The following ZNF385D variants were observed in gnomAD, a reference collection of about 807,000 sequenced individuals.
ZNF385D encodes zinc finger protein 385D.
In ZNF385D, 15 loss-of-function variants were observed where a neutral mutation model predicts 35.8. The ratio of observed to expected loss-of-function variants is 0.42; its 90% CI spans 0.28 to 0.64. The LOEUF (loss-of-function observed/expected upper bound fraction) is 0.64, where lower values mean the gene tolerates loss of function less well. ZNF385D is among the 30% of genes least tolerant of loss of function. ZNF385D has a pLI of 0.23. For synonymous variants in ZNF385D, 212 were observed against 186.8 expected, an observed-to-expected ratio of 1.13 and a Z score of -1.10; for missense variants, 474 against 494.6, an observed-to-expected ratio of 0.96 and a Z score of 0.39.
chr3:21,462,029 T>A (rs1454382352), intron 4 of ZNF385D, among the ~76,000 whole-genome samples: 1 of 152,214 alleles, frequency 6.6e-6, no homozygotes, highest in Admixed American at 6.5e-5. Flanking sequence ...TGTGACTTAA[T>A]TCTTTTGGTC....
chr3:22,179,505 C>G (rs1340739362), intron 2 of ZNF385D, among the ~76,000 whole-genome samples: 1 of 152,246 alleles, frequency 6.6e-6, no homozygotes, highest in African/African-American at 2.4e-5. Flanking sequence ...ACGGGGTTTT[C>G]TAGATATACA....
chr3:21,490,766 G>C (rs1705376529), intron 4 of ZNF385D, among the ~76,000 whole-genome samples: 1 of 149,402 alleles, frequency 6.7e-6, no homozygotes. Context: ...GGGTTTATGA[G>C]ACTTGGCTCC....
At chr3:22,029,838 T>A (rs1049635269) in intron 3 of ZNF385D, among the ~76,000 whole-genome samples, 3 of 152,034 alleles carry the variant, frequency 2.0e-5, no homozygotes, top group African/African-American at 7.3e-5. Flanking sequence ...TCGGGAGATG[T>A]GTATGGGTTC....
intron 3 of ZNF385D, among the ~76,000 whole-genome samples, chr3:21,559,046 T>C (rs1486674515): frequency 6.6e-6 from 1 of 151,404 alleles, no homozygotes; most frequent in Non-Finnish European, 1.5e-5. Flanking sequence ...TACCCTTTAT[T>C]TTGAGCTTAT....
At chr3:21,834,613 C>T (rs1357649510) in intron 3 of ZNF385D, among the ~76,000 whole-genome samples, 2 of 152,164 alleles carry the variant, frequency 1.3e-5, no homozygotes, top group African/African-American at 4.8e-5. Flanking sequence ...CAATGAAAAG[C>T]TTCATTTTTT....
chr3:21,987,637 A>G (rs1214746727), intron 3 of ZNF385D, among the ~76,000 whole-genome samples: 3 of 138,494 alleles, frequency 2.2e-5, no homozygotes, highest in African/African-American at 8.7e-5. Flanking sequence ...GAATCTGACA[A>G]TTATGTGTCT....
At chr3:22,188,890 G>T (rs1315583244) in intron 2 of ZNF385D, among the ~76,000 whole-genome samples, 3 of 151,818 alleles carry the variant, frequency 2.0e-5, no homozygotes, top group Non-Finnish European at 2.9e-5. Flanking sequence ...TCTAACACTG[G>T]TTACAAAGAC....
intron 4 of ZNF385D, among the ~76,000 whole-genome samples, chr3:21,466,071 C>T (rs1703495429): frequency 6.6e-6 from 1 of 152,172 alleles, no homozygotes; most frequent in South Asian, 2.1e-4. Context: ...CTGAATTGTA[C>T]TAGTATTTCT....
chr3:21,707,831 A>G (rs2125404187), intron 1 of ZNF385D, among the ~76,000 whole-genome samples: 1 of 152,316 alleles, frequency 6.6e-6, no homozygotes, highest in Admixed American at 6.5e-5. Flanking sequence ...ACTGTAGAAG[A>G]TGAAAGATCT....
rs532723261 is a variant in ZNF385D, at chr3:21,596,771, G to A, written c.166-32087C>T. On this transcript the variant is annotated intron_variant, in intron 2 of 7. Transcript: ENST00000281523. The stretch of plus-strand genomic sequence containing the variant: ...TGGGATTACAGGCATGAACCAATGC[G>A]GCTGGCCACAAGTAGTTTTAATTTC... 1.0e-3 allele frequency among the ~76,000 whole-genome samples: 152 copies of A among 151,936 alleles called. 1 individual carries two copies. The highest frequency in any genetic ancestry group is 3.5e-3 in the African/African-American group (146 of 41,452).
chr3:21,551,042 G>A (rs1441490026), intron 3 of ZNF385D, among the ~76,000 whole-genome samples: 2 of 152,102 alleles, frequency 1.3e-5, no homozygotes, highest in African/African-American at 2.4e-5. Context: ...GAATTGTTGC[G>A]TGTGTCTGAA....
intron 3 of ZNF385D, among the ~76,000 whole-genome samples, chr3:21,893,687 T>G (rs903806647): frequency 4.6e-5 from 7 of 152,142 alleles, no homozygotes; most frequent in Non-Finnish European, 1.0e-4. Flanking sequence ...AGGTTGAAAG[T>G]TGCATGGAAA....
chr3:22,159,834 C>T (rs190376320), intron 3 of ZNF385D, among the ~76,000 whole-genome samples: 3 of 152,100 alleles, frequency 2.0e-5, no homozygotes, highest in African/African-American at 2.4e-5. Flanking sequence ...GGCCTCCCCT[C>T]GGCTGAACTT....
intron 1 of ZNF385D, among the ~76,000 whole-genome samples, chr3:21,700,072 T>C (rs1183318836): frequency 6.6e-6 from 1 of 152,110 alleles, no homozygotes; most frequent in Non-Finnish European, 1.5e-5. Flanking sequence ...CTTCAGGTGA[T>C]CAAACTCCTG....
At chr3:22,186,591 A>G (rs143603669) in intron 2 of ZNF385D, among the ~76,000 whole-genome samples, 1 of 152,120 alleles carries the variant, frequency 6.6e-6, no homozygotes, top group South Asian at 2.1e-4. Flanking sequence ...TCTGATTTTG[A>G]TCTGACTTTC....
chr3:21,738,411 C>T (rs1031557468), intron 1 of ZNF385D, among the ~76,000 whole-genome samples: 16 of 152,156 alleles, frequency 1.1e-4, no homozygotes, highest in Admixed American at 2.6e-4. Flanking sequence ...TCTTCCATAA[C>T]AGGGCTGTTG....
Position 21,869,050 on chromosome 3 carries a change from T to C in ZNF385D, c.326-204022A>G, listed in dbSNP as rs1049544260. Among the ~76,000 whole-genome samples the C allele has an allele frequency of 4.6e-5, 7 of 152,248 alleles. No homozygotes were observed. In the East Asian group the frequency reaches 7.7e-4, roughly 17 times the overall value. Reference sequence around the variant, plus strand: ...TTTTGTTTCTGTTTCACTGGGAGTTTATTTTTTAAACTTACAGCGTCGGTT... The same window carrying C: ...TTTTGTTTCTGTTTCACTGGGAGTTCATTTTTTAAACTTACAGCGTCGGTT... On this transcript the variant is annotated intron_variant, in intron 3 of 5. Transcript: ENST00000494108.
At chr3:21,752,898 CT>C (rs2070170120), upstream of ZNF385D, among the ~76,000 whole-genome samples, 1 of 152,132 alleles carries the variant, frequency 6.6e-6, no homozygotes. Context: ...AAAGAACCAT[CT>C]GTGGTAGAGC....
chr3:21,532,154 C>T (rs563872662), intron 3 of ZNF385D, among the ~76,000 whole-genome samples: 1 of 152,150 alleles, frequency 6.6e-6, no homozygotes, highest in South Asian at 2.1e-4. Context: ...CCTGTGATGT[C>T]AAGGGCTGCT....
Sources: allele counts gnomAD v4.1 joint callset (sites outside exome capture counted in the v4.1 genomes callset), GRCh38; gene constraint gnomAD v4.1.1; transcripts MANE v1.5; gene names NCBI Gene and HGNC (gene_info 2026-07-23, HGNC 2026-07-21).